LANCL2: variants seen among roughly 807,000 people sequenced by gnomAD.
LANCL2 encodes LanC like glutathione S-transferase 2.
In LANCL2, 33 loss-of-function variants were observed where a neutral mutation model predicts 56.9. The ratio of observed to expected loss-of-function variants is 0.58; its 90% CI spans 0.44 to 0.78. LANCL2 has a LOEUF of 0.78. Ranked by LOEUF, LANCL2 falls within the 30% of genes least tolerant of loss-of-function variation. The pLI is 0.00. For missense variants in LANCL2, 562 were observed against 580.2 expected, an observed-to-expected ratio of 0.97 and a Z score of 0.32; for synonymous variants, 233 against 228.2, an observed-to-expected ratio of 1.02 and a Z score of -0.19.
At chr7:55,384,627 CAAAG>C (rs1406363675) in intron 1 of LANCL2, among the ~76,000 whole-genome samples, 1 of 151,748 alleles carries the variant, frequency 6.6e-6, no homozygotes, top group Admixed American at 6.6e-5. Flanking sequence ...GGAATAAACA[CAAAG>C]AAGCCCAAAT....
Position 55,365,913 on chromosome 7 carries a change from G to T in LANCL2, c.-113G>T. On this transcript the variant is annotated 5_prime_UTR_variant, in exon 1 of 9. Transcript: ENST00000254770. ...GCTCCTCCCGCCAGCGCGCGGCCTCGCTCCTCCTAGAGGACGCTCTCTGCG... is the reference window on the plus strand; with the variant it reads ...GCTCCTCCCGCCAGCGCGCGGCCTCTCTCCTCCTAGAGGACGCTCTCTGCG... 2.5e-6 allele frequency: 2 copies of T among 812,938 alleles called. No homozygotes were observed. The highest frequency in any genetic ancestry group is 3.6e-6 in the Non-Finnish European group (2 of 561,648). The allele number at this position is 812,938 out of a possible 1,614,324, so 50.4% of individuals were successfully genotyped here.
chr7:55,421,632 A>G (rs966397947), intron 6 of LANCL2, among the ~76,000 whole-genome samples: 2 of 150,834 alleles, frequency 1.3e-5, no homozygotes, highest in Non-Finnish European at 1.5e-5. Context: ...TGTGAGCGCC[A>G]CCGTGCCTGG....
chr7:55,393,461 G>A (rs995297792), intron 2 of LANCL2, among the ~76,000 whole-genome samples: 14 of 152,274 alleles, frequency 9.2e-5, no homozygotes, highest in African/African-American at 2.6e-4. Flanking sequence ...GAGCCCAGAG[G>A]CGGAGGTTGT....
intron 1 of LANCL2, among the ~76,000 whole-genome samples, chr7:55,373,396 TC>T (rs1454624383): frequency 6.6e-6 from 1 of 152,030 alleles, no homozygotes; most frequent in Non-Finnish European, 1.5e-5. Flanking sequence ...GCTCAAGAGA[TC>T]CTCCCACCTC....
At chr7:55,427,416 G>A (rs3778864) in intron 7 of LANCL2, among the ~76,000 whole-genome samples, 98,733 of 152,124 alleles carry the variant, frequency 0.65, 32,418 homozygotes, top group Admixed American at 0.72. Flanking sequence ...AGAATGAGGC[G>A]GGCTTGGGTT....
intron 5 of LANCL2, chr7:55,411,260 A>G (rs190924781): frequency 1.3e-5 from 2 of 152,220 alleles, no homozygotes; most frequent in African/African-American, 2.4e-5. Flanking sequence ...AAATTAGCAA[A>G]TATTTTCCAA....
chr7:55,407,973 C>T (rs4947508), intron 5 of LANCL2, among the ~76,000 whole-genome samples: 50,953 of 152,088 alleles, frequency 0.34, 9,158 homozygotes, highest in East Asian at 0.53. Flanking sequence ...AGCCGATGAG[C>T]GGACATGGCA....
chr7:55,370,122 A>G (rs1362746524), intron 1 of LANCL2, among the ~76,000 whole-genome samples: 1 of 152,146 alleles, frequency 6.6e-6, no homozygotes, highest in Non-Finnish European at 1.5e-5. Flanking sequence ...GGGAGAGAGA[A>G]TCTGCTCCAG....
chr7:55,425,413 C>T lies in LANCL2; in HGVS notation c.1168C>T (p.Leu390Phe), dbSNP rs1384055800. 17 of 1,613,838 alleles carry T rather than the reference C, an allele frequency of 1.1e-5. No homozygotes were observed. The highest frequency in any genetic ancestry group is 1.2e-5 in the Non-Finnish European group (14 of 1,179,924). ...CCGTCTCACGCAGGATAAGAAGTAC[C>T]TCTACCGAGCTTGCAAGGTGAGGGT... ...LYRLTQDKKY[L>F]YRACKFAEWC... Residue 390 changes from leucine to phenylalanine, a missense_variant, in exon 7 of 9, where the codon CTC (leucine) becomes TTC (phenylalanine). Around this residue, in one of 2 missense-constraint regions of LANCL2, gnomAD observed 378 missense variants for 468.4 expected, o/e 0.81. Transcript: ENST00000254770.
intron 1 of LANCL2, among the ~76,000 whole-genome samples, chr7:55,390,199 A>AC (rs1224380629): frequency 6.6e-6 from 1 of 151,490 alleles, no homozygotes; most frequent in Non-Finnish European, 1.5e-5. Context: ...ATGCTTAATA[A>AC]CAGAACTTCC....
intron 5 of LANCL2, among the ~76,000 whole-genome samples, chr7:55,402,580 G>A (rs7803328): frequency 0.046 from 2,379 of 51,302 alleles, 65 homozygotes; most frequent in Admixed American, 0.069. Flanking sequence ...TTCCCGGACG[G>A]GGCGGCTGGC....
rs1179983276 is a variant in LANCL2 at position 55,431,796 on chromosome 7, T to G, written c.*476T>G. 1 of 152,848 alleles carries G rather than the reference T, an allele frequency of 6.5e-6. No homozygotes were observed. Among genetic ancestry groups the G allele is most frequent in the Non-Finnish European group, 1.5e-5 (1 of 68,528 alleles). The allele number at this position is 152,848 out of a possible 1,614,324, so 9.5% of individuals were successfully genotyped here. On this transcript the variant is annotated 3_prime_UTR_variant, in exon 9 of 9. Coordinates refer to ENST00000254770, the MANE Select transcript of LANCL2 (RefSeq NM_018697.4). ...ATTGTCAGCCTTTTCTGTGGCACCT[T>G]CCAGATGAGAATGAGGGAGCGACCA... is the stretch of plus-strand genomic sequence containing the variant.
intron 1 of LANCL2, among the ~76,000 whole-genome samples, chr7:55,379,260 G>C (rs1790038403): frequency 6.6e-6 from 1 of 152,238 alleles, no homozygotes. Flanking sequence ...GCATGTGAGT[G>C]TGCATTAGGC....
intron 1 of LANCL2, among the ~76,000 whole-genome samples, chr7:55,382,270 G>A (rs1317078658): frequency 1.3e-5 from 2 of 152,122 alleles, no homozygotes; most frequent in African/African-American, 4.8e-5. Context: ...CATGAAAAAT[G>A]AGGAAATCTC....
At chr7:55,369,008 AAG>A (rs1264373864) in intron 1 of LANCL2, among the ~76,000 whole-genome samples, 1 of 152,158 alleles carries the variant, frequency 6.6e-6, no homozygotes, top group Non-Finnish European at 1.5e-5. Flanking sequence ...AAAGAGAAGA[AAG>A]AGACATAGGG....
intron 6 of LANCL2, among the ~76,000 whole-genome samples, chr7:55,421,103 C>T (rs1348793711): frequency 6.6e-6 from 1 of 152,160 alleles, no homozygotes; most frequent in Non-Finnish European, 1.5e-5. Flanking sequence ...TGCTTTCAAC[C>T]TGTATGGGAC....
At chr7:55,412,421 G>A (rs535080547) in intron 6 of LANCL2, among the ~76,000 whole-genome samples, 82 of 152,318 alleles carry the variant, frequency 5.4e-4, no homozygotes, top group African/African-American at 1.7e-3. Flanking sequence ...TATAACCAAA[G>A]TGCTTTTTTG....
Position 55,416,981 on chromosome 7 carries a change from T to TG in LANCL2, c.1008+4892_1008+4893insG, listed in dbSNP as rs1562868533. Reference sequence around the variant, plus strand: ...AACAAACGAGGTGGTTTTTTTTTTTTTTTTTTTTTTTTTTTGGAGACAGAG... The same window carrying TG: ...AACAAACGAGGTGGTTTTTTTTTTTTGTTTTTTTTTTTTTTTGGAGACAGAG... On this transcript the variant is annotated intron_variant, in intron 6 of 8. Transcript: ENST00000254770. 3.8e-4 allele frequency among the ~76,000 whole-genome samples: 27 copies of TG among 71,290 alleles called. 1 individual carries two copies. Among genetic ancestry groups the TG allele is most frequent in the East Asian group, 2.5e-3 (8 of 3,168 alleles). 46.8% of individuals were successfully genotyped at this position (71,290 alleles called of 152,430 possible).
intron 5 of LANCL2, among the ~76,000 whole-genome samples, chr7:55,409,092 G>GTTT (rs113959130): frequency 2.8e-5 from 4 of 144,540 alleles, no homozygotes; most frequent in Non-Finnish European, 4.6e-5. Flanking sequence ...TGATTTCCAA[G>GTTT]TTTTTTTTTT....
Sources: allele counts gnomAD v4.1 joint callset (sites outside exome capture counted in the v4.1 genomes callset), GRCh38; gene constraint gnomAD v4.1.1; regional missense constraint gnomAD v4.1.1; transcripts MANE v1.5; gene names NCBI Gene and HGNC (gene_info 2026-07-23, HGNC 2026-07-21).